ACTR3C: variants seen among roughly 807,000 people sequenced by gnomAD.
ACTR3C encodes actin-related protein 3C.
In ACTR3C, 18 loss-of-function variants were observed where a neutral mutation model predicts 26.3. The ratio of observed to expected loss-of-function variants is 0.68; its 90% confidence interval spans 0.47 to 1.01. The LOEUF is 1.01. ACTR3C is among the 50% of genes least tolerant of loss of function. The pLI is 0.00. For missense variants in ACTR3C, 184 were observed against 250.7 expected (o/e 0.73, Z 1.80); for synonymous variants, 55 against 94.5 (o/e 0.58, Z 2.42).
chr7:150,198,142 A>G, the ACTR3C span, among the ~76,000 whole-genome samples: 1 of 151,298 alleles, frequency 6.6e-6, no homozygotes, highest in South Asian at 2.1e-4. Context: ...TGGTTCACTC[A>G]GTGCTCAATG....
At chr7:150,276,204 A>C (rs1373648497) in intron 6 of ACTR3C, among the ~76,000 whole-genome samples, 2 of 152,172 alleles carry the variant, frequency 1.3e-5, no homozygotes, top group African/African-American at 2.4e-5. Context: ...TTAATATCAA[A>C]TGCGGTATTA....
chr7:149,948,368 T>C, the ACTR3C span, among the ~76,000 whole-genome samples: 1 of 150,062 alleles, frequency 6.7e-6, no homozygotes. Context: ...TGAATTCTCC[T>C]TGTGACCTCT....
At chr7:150,083,889 G>A in the ACTR3C span, among the ~76,000 whole-genome samples, 1 of 152,196 alleles carries the variant, frequency 6.6e-6, no homozygotes, top group East Asian at 1.9e-4. Context: ...CTGTTGGTGG[G>A]GATTAAATTA....
chr7:150,146,157 T>C, the ACTR3C span, among the ~76,000 whole-genome samples: 1 of 152,016 alleles, frequency 6.6e-6, no homozygotes, highest in African/African-American at 2.4e-5. Flanking sequence ...AAAATATTAC[T>C]GAAAATTTAC....
At chr7:150,062,570 C>A in the ACTR3C span, among the ~76,000 whole-genome samples, 1 of 150,986 alleles carries the variant, frequency 6.6e-6, no homozygotes, top group Non-Finnish European at 1.5e-5. Flanking sequence ...TCATGGTAGG[C>A]AAGTCTGTGT....
the ACTR3C span, among the ~76,000 whole-genome samples, chr7:150,220,232 G>T: frequency 2.0e-5 from 3 of 148,376 alleles, no homozygotes; most frequent in Non-Finnish European, 4.4e-5. Context: ...CCCCTCCGTC[G>T]CGGGTCTCTT....
chr7:149,943,478 G>C, the ACTR3C span, among the ~76,000 whole-genome samples: 3 of 151,062 alleles, frequency 2.0e-5, no homozygotes, highest in Admixed American at 1.3e-4. Flanking sequence ...TGTAATCCCA[G>C]CATATTGGGA....
the ACTR3C span, among the ~76,000 whole-genome samples, chr7:149,912,809 TTA>T: frequency 6.6e-6 from 1 of 152,020 alleles, no homozygotes; most frequent in African/African-American, 2.4e-5. Context: ...CCTAATATTC[TTA>T]TGTGTTAACA....
At chr7:150,198,398 G>T in the ACTR3C span, among the ~76,000 whole-genome samples, 1 of 147,540 alleles carries the variant, frequency 6.8e-6, no homozygotes, top group Non-Finnish European at 1.5e-5. Context: ...TAGGAAGTGA[G>T]GAGCGCCTCT....
At chr7:149,938,368 A>G in the ACTR3C span, among the ~76,000 whole-genome samples, 1 of 152,258 alleles carries the variant, frequency 6.6e-6, no homozygotes, top group Non-Finnish European at 1.5e-5. Flanking sequence ...AAAAGAATTC[A>G]AAAAGAACAA....
chr7:150,032,433 C>T, the ACTR3C span, among the ~76,000 whole-genome samples: 299 of 152,288 alleles, frequency 2.0e-3, no homozygotes, highest in African/African-American at 6.9e-3. Context: ...GCGGTGCAGG[C>T]CCTGACAACA....
the ACTR3C span, among the ~76,000 whole-genome samples, chr7:149,943,585 G>A: frequency 6.6e-6 from 1 of 151,850 alleles, no homozygotes. Flanking sequence ...AAAATTAGCT[G>A]GGCATGGTGG....
At chr7:149,922,969 G>GTTTTTTTTTTTTTTTT in the ACTR3C span, among the ~76,000 whole-genome samples, 4 of 23,104 alleles carry the variant, frequency 1.7e-4, no homozygotes, top group African/African-American at 4.9e-4. Context: ...GAAATAAAAG[G>GTTTTTTTTTTTTTTTT]CTTTTTTTTT....
chr7:150,230,123 G>C, the ACTR3C span, among the ~76,000 whole-genome samples: 1 of 151,706 alleles, frequency 6.6e-6, no homozygotes, highest in African/African-American at 2.4e-5. Context: ...TACTCGGGAG[G>C]CTGAGGCAGG....
chr7:150,052,384 A>C, the ACTR3C span, among the ~76,000 whole-genome samples: 4,081 of 151,290 alleles, frequency 0.027, no homozygotes, highest in East Asian at 0.042. Context: ...CACACACACA[A>C]TAATTGCTAT....
At chr7:150,169,356 C>T in the ACTR3C span, among the ~76,000 whole-genome samples, 26 of 137,086 alleles carry the variant, frequency 1.9e-4, no homozygotes, top group South Asian at 1.2e-3. Context: ...GTGCTCCAGC[C>T]TGGGCAACAG....
the ACTR3C span, among the ~76,000 whole-genome samples, chr7:149,955,039 G>A: frequency 6.6e-6 from 1 of 152,206 alleles, no homozygotes; most frequent in African/African-American, 2.4e-5. Context: ...GTTCCTCAGT[G>A]ATCTTCAGCT....
At chr7:150,118,940 T>TAAAA in the ACTR3C span, among the ~76,000 whole-genome samples, 1 of 140,992 alleles carries the variant, frequency 7.1e-6, no homozygotes, top group Non-Finnish European at 1.5e-5. Context: ...TCAACATTCT[T>TAAAA]AAAAAAAAAA....
At chr7:150,187,327 A>T in the ACTR3C span, among the ~76,000 whole-genome samples, 3 of 152,068 alleles carry the variant, frequency 2.0e-5, no homozygotes, top group African/African-American at 7.2e-5. Context: ...TGGGGTAAAC[A>T]AATTAATTAT....
Sources: allele counts gnomAD v4.1 joint callset (sites outside exome capture counted in the v4.1 genomes callset), GRCh38; gene constraint gnomAD v4.1.1; transcripts MANE v1.5; gene names NCBI Gene and HGNC (gene_info 2026-07-23, HGNC 2026-07-21).